Variants in DYNLRB1 observed in about 807,000 individuals in gnomAD.
The protein encoded by DYNLRB1 is ROBL/LC7-like 1.
A neutral mutation model predicts 13.5 loss-of-function variants in DYNLRB1; 6 were observed. The ratio of observed to expected loss-of-function variants is 0.44; its 90% CI spans 0.24 to 0.88. DYNLRB1 has a LOEUF of 0.88. Ranked by LOEUF, DYNLRB1 falls within the 40% of genes least tolerant of loss-of-function variation. The pLI, the probability that DYNLRB1 is intolerant of heterozygous loss-of-function variation, is 0.21. For missense variants in DYNLRB1, 93 were observed against 127.2 expected, an observed-to-expected ratio of 0.73 and a Z score of 1.29; for synonymous variants, 43 against 45.0, an observed-to-expected ratio of 0.96 and a Z score of 0.18.
intron 1 of DYNLRB1, among the ~76,000 whole-genome samples, chr20:34,517,088 G>T (rs1343212127): frequency 6.6e-6 from 1 of 152,162 alleles, no homozygotes; most frequent in Non-Finnish European, 1.5e-5. Context: ...CCCAAAGCTT[G>T]CTTTCTACCT....
chr20:34,530,326 G>T, intron 2 of DYNLRB1: 1 of 986,122 alleles, frequency 1.0e-6, no homozygotes. Context: ...TTTGAATCTG[G>T]GCCCTACTTA....
chr20:34,520,460 T>G (rs1004840061), intron 1 of DYNLRB1, among the ~76,000 whole-genome samples: 7 of 152,208 alleles, frequency 4.6e-5, no homozygotes, highest in Non-Finnish European at 8.8e-5. Context: ...GGTTTGTTTG[T>G]TTTAGAGATG....
intron 2 of DYNLRB1, chr20:34,531,024 G>A (rs966433169): frequency 1.3e-5 from 2 of 152,136 alleles, no homozygotes; most frequent in Admixed American, 1.3e-4. Flanking sequence ...GAAAACGCAA[G>A]GGAAGTTTCA....
intron 2 of DYNLRB1, chr20:34,530,291 G>A (rs1980612927): frequency 9.9e-7 from 1 of 1,009,440 alleles, no homozygotes; most frequent in African/African-American, 1.7e-5. Flanking sequence ...CTGAGAACGT[G>A]GAATGCAGAA....
At chr20:34,521,851 G>A (rs1275130885) in intron 1 of DYNLRB1, among the ~76,000 whole-genome samples, 3 of 152,136 alleles carry the variant, frequency 2.0e-5, no homozygotes, top group African/African-American at 7.2e-5. Flanking sequence ...TTCAAGACCA[G>A]CCTGGGCAAC....
chr20:34,526,132 A>T (rs1980184591), intron 1 of DYNLRB1, 136 bp from the exon 2 acceptor site: 13 of 853,614 alleles, frequency 1.5e-5, no homozygotes, highest in Non-Finnish European at 2.1e-5. Flanking sequence ...AGCCTGGGGA[A>T]CTTTGAGGGT....
intron 3 of DYNLRB1, among the ~76,000 whole-genome samples, chr20:34,538,441 C>G (rs1981339414): frequency 2.0e-5 from 3 of 151,834 alleles, no homozygotes; most frequent in Admixed American, 1.3e-4. Context: ...TCTCAAAAAA[C>G]AAAACAAAAA....
At chr20:34,521,537 GTGGTC>G (rs1555790889) in intron 1 of DYNLRB1, among the ~76,000 whole-genome samples, 1 of 151,910 alleles carries the variant, frequency 6.6e-6, no homozygotes, top group Non-Finnish European at 1.5e-5. Context: ...TTTATGTTTA[GTGGTC>G]AAATTGGTCA....
intron 3 of DYNLRB1, among the ~76,000 whole-genome samples, chr20:34,536,684 G>T (rs1025976634): frequency 6.6e-6 from 1 of 151,126 alleles, no homozygotes; most frequent in Non-Finnish European, 1.5e-5. Context: ...GGCGGAGCTT[G>T]CAGTGAGCTG....
chr20:34,534,731 C>T lies in DYNLRB1; in HGVS notation c.183C>T (p.Asp61=), dbSNP rs749916078. The T allele has an allele frequency of 3.7e-6, 6 of 1,613,836 alleles. No individual in the cohort carries two copies. In the East Asian group the frequency reaches 6.7e-5, roughly 18 times the overall value. The change falls in exon 3 of 4, where the codon GAC becomes GAT. Residue 61 remains aspartate (D), a synonymous_variant. Coordinates refer to ENST00000357156, the MANE Select transcript of DYNLRB1 (RefSeq NM_014183.4). ...CACGGAGCACCGTGCGTGACATCGA[C>T]CCCCAGAACGATCTCACCTTCCTTC... is the stretch of plus-strand genomic sequence containing the variant. ...LKARSTVRDI[D]PQNDLTFLRI... is the part of the protein sequence containing the mutation.
At chr20:34,537,304 G>C (rs528938643) in intron 3 of DYNLRB1, among the ~76,000 whole-genome samples, 4 of 152,312 alleles carry the variant, frequency 2.6e-5, no homozygotes, top group Admixed American at 6.5e-5. Flanking sequence ...CAGCCTCACT[G>C]CTGCCACTCA....
At chr20:34,516,653 G>A in intron 1 of DYNLRB1, 192 bp downstream of exon 1, 1 of 1,467,670 alleles carries the variant, frequency 6.8e-7, no homozygotes, top group South Asian at 1.4e-5. Flanking sequence ...TGACCGAGGC[G>A]GGGCCGCCGG....
chr20:34,528,311 C>CA (rs59104612), intron 2 of DYNLRB1, among the ~76,000 whole-genome samples: 2,172 of 5,212 alleles, frequency 0.42, 892 homozygotes, highest in Non-Finnish European at 0.48. Context: ...GACTCCGTCT[C>CA]AAAAAAAAAA....
intron 1 of DYNLRB1, 97 bp from the exon 2 acceptor site, chr20:34,526,171 G>C: frequency 7.4e-7 from 1 of 1,357,380 alleles, no homozygotes; most frequent in Non-Finnish European, 1.0e-6. Flanking sequence ...TTACTTGTTT[G>C]TTGTTGGAAG....
intron 1 of DYNLRB1, 55 bp downstream of exon 1, chr20:34,516,516 C>G (rs1210144720): frequency 6.2e-7 from 1 of 1,606,602 alleles, no homozygotes; most frequent in Admixed American, 1.7e-5. Context: ...CCACGCCAGG[C>G]CTTCAGTCTT....
chr20:34,525,229 C>G lies in DYNLRB1; in HGVS notation c.4-1039C>G, dbSNP rs372850070. Among the ~76,000 whole-genome samples, 199 of 151,956 alleles carry G rather than the reference C, an allele frequency of 1.3e-3. 1 individual carries two copies. Among genetic ancestry groups the G allele is most frequent in the African/African-American group, 4.7e-3 (195 of 41,396 alleles). ...AATGGAGCCTCTGTTTCTAACAACT[C>G]TCAGCCTTTGAGGGGCTTCTGACTG... is the stretch of plus-strand genomic sequence containing the variant. On this transcript the variant is annotated intron_variant, in intron 1 of 3. Coordinates refer to ENST00000357156, the MANE Select transcript of DYNLRB1 (RefSeq NM_014183.4).
At chr20:34,522,139 A>G (rs557889706) in intron 1 of DYNLRB1, among the ~76,000 whole-genome samples, 1 of 152,190 alleles carries the variant, frequency 6.6e-6, no homozygotes, top group African/African-American at 2.4e-5. Context: ...AATCTTGCTC[A>G]CTTGTTTAAG....
At chr20:34,525,185 C>A (rs549750862) in intron 1 of DYNLRB1, among the ~76,000 whole-genome samples, 1 of 152,104 alleles carries the variant, frequency 6.6e-6, no homozygotes, top group East Asian at 1.9e-4. Context: ...GAGGATCCCC[C>A]CCCCCATTTC....
chr20:34,538,827 A>G (rs1981372669), intron 3 of DYNLRB1, among the ~76,000 whole-genome samples: 1 of 152,214 alleles, frequency 6.6e-6, no homozygotes, highest in African/African-American at 2.4e-5. Flanking sequence ...CATTTCGCTC[A>G]TGCTCAGCAG....
Sources: gnomAD v4.1 joint callset for allele counts (sites outside exome capture counted in the v4.1 genomes callset) on GRCh38, gnomAD v4.1.1 for gene constraint, MANE v1.5 for transcripts, NCBI Gene and HGNC (gene_info 2026-07-23, HGNC 2026-07-21) for gene names.